Variants in OPCML observed in about 807,000 individuals in gnomAD.
The protein encoded by OPCML is opioid binding protein/cell adhesion molecule like, also known as opioid-binding protein/cell adhesion molecule.
A neutral mutation model predicts 37.8 loss-of-function variants in OPCML; 13 were observed. The observed-to-expected ratio is 0.34, with a 90% CI of 0.22 to 0.55. The LOEUF is 0.55. OPCML is among the 20% of genes least tolerant of loss of function. The pLI is 0.91. For missense variants in OPCML, 341 were observed against 435.6 expected (o/e 0.78, Z 1.93); for synonymous variants, 176 against 168.8 (o/e 1.04, Z -0.33).
intron 4 of OPCML, among the ~76,000 whole-genome samples, chr11:132,462,560 T>G (rs540370394): frequency 6.6e-6 from 1 of 152,218 alleles, no homozygotes; most frequent in South Asian, 2.1e-4. Context: ...ATCTGAATAA[T>G]GCAGTGGTGT....
chr11:133,018,144 CTCTT>C (rs1249508584), intron 1 of OPCML, among the ~76,000 whole-genome samples: 1 of 152,120 alleles, frequency 6.6e-6, no homozygotes, highest in Non-Finnish European at 1.5e-5. Context: ...AGTAATCTCT[CTCTT>C]ATTTAAGAGT....
At chr11:133,445,889 A>C (rs1946464294) in intron 1 of OPCML, among the ~76,000 whole-genome samples, 2 of 152,080 alleles carry the variant, frequency 1.3e-5, no homozygotes. Context: ...GAGGATGAGA[A>C]GATGGGGCTG....
chr11:133,397,956 G>A (rs890975036), intron 1 of OPCML, among the ~76,000 whole-genome samples: 1 of 152,114 alleles, frequency 6.6e-6, no homozygotes, highest in African/African-American at 2.4e-5. Context: ...TCATTAATAT[G>A]GCATGTTTTC....
Position 132,437,290 on chromosome 11 carries a change from T to G in OPCML, c.575A>C (p.Glu192Ala). 1 of 1,614,188 alleles carries G rather than the reference T, an allele frequency of 6.2e-7. No individual in the cohort carries two copies. Among genetic ancestry groups the G allele is most frequent in the Non-Finnish European group, 8.5e-7 (1 of 1,180,038 alleles). ...ISDIKRDQSG[E>A]YECSALNDVA... The stretch of plus-strand genomic sequence containing the variant: ...ATCGTTCAACGCGCTGCATTCGTAC[T>G]CCCCGGACTGGTCTCGCTTGATGTC... Residue 192 changes from glutamate (E) to alanine (A), a missense_variant, in exon 5 of 8, where the codon GAG (glutamate) becomes GCG (alanine). Physicochemically the swap from Glu to Ala is moderately radical, Grantham distance 107. Coordinates refer to ENST00000524381, the MANE Select transcript of OPCML (RefSeq NM_001012393.5).
At chr11:133,030,837 G>A (rs999163100) in intron 1 of OPCML, among the ~76,000 whole-genome samples, 14 of 151,988 alleles carry the variant, frequency 9.2e-5, no homozygotes, top group African/African-American at 3.4e-4. Flanking sequence ...TACCAAGAAG[G>A]GGAATCCAAG....
At chr11:132,825,154 C>A (rs982343049) in intron 2 of OPCML, among the ~76,000 whole-genome samples, 2 of 152,150 alleles carry the variant, frequency 1.3e-5, no homozygotes, top group Non-Finnish European at 2.9e-5. Flanking sequence ...ATGGTAGTCA[C>A]CTGCCTTTTC....
intron 2 of OPCML, among the ~76,000 whole-genome samples, chr11:132,834,547 G>A (rs1940899398): frequency 6.6e-6 from 1 of 152,174 alleles, no homozygotes; most frequent in African/African-American, 2.4e-5. Context: ...ACAGCCCCAG[G>A]CCTTCTTTGG....
intron 2 of OPCML, among the ~76,000 whole-genome samples, chr11:132,834,075 G>C (rs2136285353): frequency 6.6e-6 from 1 of 152,248 alleles, no homozygotes; most frequent in African/African-American, 2.4e-5. Flanking sequence ...ACTTTTCTTG[G>C]TCGTTAAATT....
intron 2 of OPCML, among the ~76,000 whole-genome samples, chr11:132,825,464 G>T (rs950446758): frequency 5.3e-5 from 8 of 152,100 alleles, no homozygotes; most frequent in African/African-American, 1.7e-4. Flanking sequence ...ACACATTTTT[G>T]AACCCATCTA....
chr11:133,382,399 G>C (rs1438373873), intron 1 of OPCML, among the ~76,000 whole-genome samples: 1 of 152,310 alleles, frequency 6.6e-6, no homozygotes, highest in African/African-American at 2.4e-5. Flanking sequence ...ATTGGAGAAG[G>C]AGGCCAGGAG....
intron 2 of OPCML, among the ~76,000 whole-genome samples, chr11:132,768,433 T>C (rs1052291019): frequency 6.6e-6 from 1 of 152,146 alleles, no homozygotes; most frequent in South Asian, 2.1e-4. Context: ...TCGTCCAAAA[T>C]ATGAGCTCAG....
At chr11:132,741,386 G>C (rs1279814944) in intron 2 of OPCML, among the ~76,000 whole-genome samples, 1 of 152,098 alleles carries the variant, frequency 6.6e-6, no homozygotes, top group East Asian at 1.9e-4. Context: ...TGACACTTTA[G>C]GATATTAGAA....
chr11:132,851,125 G>A (rs900907248), intron 2 of OPCML, among the ~76,000 whole-genome samples: 3 of 152,180 alleles, frequency 2.0e-5, no homozygotes, highest in Admixed American at 1.3e-4. Context: ...AGAAGTGCCT[G>A]TGACTTTATC....
intron 2 of OPCML, among the ~76,000 whole-genome samples, chr11:132,841,448 G>A (rs546932082): frequency 6.6e-6 from 1 of 152,128 alleles, no homozygotes; most frequent in Non-Finnish European, 1.5e-5. Flanking sequence ...GCCCAGGGGG[G>A]TTAAAAATGA....
chr11:133,382,200 A>T (rs909315344), intron 1 of OPCML, among the ~76,000 whole-genome samples: 3 of 152,212 alleles, frequency 2.0e-5, no homozygotes, highest in African/African-American at 7.2e-5. Context: ...CAACATTAGC[A>T]TAATGCTCAT....
At chr11:133,067,716 T>C (rs1371091109) in intron 1 of OPCML, 1 of 152,232 alleles carries the variant, frequency 6.6e-6, no homozygotes, top group Non-Finnish European at 1.5e-5. Context: ...AAGCTTCTTG[T>C]TGCCTCTTTC....
intron 1 of OPCML, among the ~76,000 whole-genome samples, chr11:133,529,028 T>C (rs893712327): frequency 1.3e-5 from 2 of 152,220 alleles, no homozygotes; most frequent in African/African-American, 4.8e-5. Flanking sequence ...CAACATCTTC[T>C]TGCCCTTACT....
At chr11:133,351,823 C>A (rs564410656) in intron 1 of OPCML, among the ~76,000 whole-genome samples, 2 of 152,256 alleles carry the variant, frequency 1.3e-5, no homozygotes, top group South Asian at 4.1e-4. Context: ...ATACCCCCCA[C>A]ACAAACAACT....
intron 2 of OPCML, among the ~76,000 whole-genome samples, chr11:132,932,563 T>C (rs1012844609): frequency 6.6e-6 from 1 of 151,892 alleles, no homozygotes; most frequent in Non-Finnish European, 1.5e-5. Flanking sequence ...ATATTCAACA[T>C]ACATGGATGC....
Sources: gnomAD v4.1 joint callset for allele counts (sites outside exome capture counted in the v4.1 genomes callset) on GRCh38, gnomAD v4.1.1 for gene constraint, MANE v1.5 for transcripts, NCBI Gene and HGNC (gene_info 2026-07-23, HGNC 2026-07-21) for gene names.